PAG1: variants seen among roughly 807,000 people sequenced by gnomAD.
PAG1 encodes the protein phosphoprotein membrane anchor with glycosphingolipid microdomains 1.
In PAG1, 23 loss-of-function variants were observed where a neutral mutation model predicts 31.7. The observed-to-expected ratio is 0.73, with a 90% CI of 0.52 to 1.03. PAG1 has a LOEUF of 1.03. Ranked by LOEUF, PAG1 falls within the 50% of genes least tolerant of loss-of-function variation. The pLI is 0.00. For missense variants in PAG1, 473 were observed against 540.7 expected, an observed-to-expected ratio of 0.87 and a Z score of 1.24; for synonymous variants, 214 against 210.3, an observed-to-expected ratio of 1.02 and a Z score of -0.15.
intron 1 of PAG1, among the ~76,000 whole-genome samples, chr8:81,079,663 T>G (rs1809233345): frequency 6.6e-6 from 1 of 152,072 alleles, no homozygotes; most frequent in East Asian, 1.9e-4. Flanking sequence ...GGCCTTGAAT[T>G]GTAGAACTGA....
intron 8 of PAG1, among the ~76,000 whole-genome samples, chr8:80,977,145 T>C (rs569239091): frequency 6.6e-6 from 1 of 152,328 alleles, no homozygotes; most frequent in South Asian, 2.1e-4. Flanking sequence ...CCCAGTTCTC[T>C]TGGGTCTGCC....
intron 3 of PAG1, among the ~76,000 whole-genome samples, chr8:81,012,606 G>A (rs531637546): frequency 9.2e-5 from 14 of 152,220 alleles, no homozygotes; most frequent in African/African-American, 2.9e-4. Flanking sequence ...GCATCTTCCT[G>A]CATTCAAAGC....
chr8:81,103,154 GAAAAA>G (rs34583693), intron 1 of PAG1, among the ~76,000 whole-genome samples: 1 of 61,436 alleles, frequency 1.6e-5, no homozygotes, highest in Non-Finnish European at 4.8e-5. Flanking sequence ...CATTTTGTGG[GAAAAA>G]AAAAAAAAAA....
chr8:81,039,159 G>A (rs1048905150), intron 2 of PAG1, among the ~76,000 whole-genome samples: 3 of 152,158 alleles, frequency 2.0e-5, no homozygotes, highest in African/African-American at 7.2e-5. Context: ...GTGTGTGCAT[G>A]TGCCTATGTG....
intron 3 of PAG1, among the ~76,000 whole-genome samples, chr8:81,012,248 CAT>C (rs1807998352): frequency 6.6e-6 from 1 of 152,196 alleles, no homozygotes; most frequent in Admixed American, 6.5e-5. Context: ...ATCCTACTGA[CAT>C]ATGGAATGAC....
At chr8:81,012,223 A>G (rs556402441) in intron 3 of PAG1, among the ~76,000 whole-genome samples, 2 of 152,320 alleles carry the variant, frequency 1.3e-5, no homozygotes, top group African/African-American at 2.4e-5. Context: ...GTCAGCTGCA[A>G]TATCTTCAGG....
intron 2 of PAG1, 128 bp downstream of exon 2, chr8:81,069,984 T>G (rs1809068253): frequency 6.6e-6 from 1 of 152,258 alleles, no homozygotes; most frequent in African/African-American, 2.4e-5. Flanking sequence ...TTAGAAGCTG[T>G]GTGTCTGCAG....
At chr8:80,992,318 G>A (rs1221397593) in intron 4 of PAG1, among the ~76,000 whole-genome samples, 2 of 152,240 alleles carry the variant, frequency 1.3e-5, no homozygotes, top group Non-Finnish European at 2.9e-5. Context: ...AGATTTTAGG[G>A]TAGGAAGCTA....
chr8:81,033,446 G>C (rs1167314357), intron 2 of PAG1, among the ~76,000 whole-genome samples: 1 of 152,162 alleles, frequency 6.6e-6, no homozygotes, highest in Non-Finnish European at 1.5e-5. Flanking sequence ...GTTAATCACT[G>C]CAAATGATTA....
intron 3 of PAG1, among the ~76,000 whole-genome samples, chr8:81,019,875 G>A (rs977642711): frequency 6.6e-6 from 1 of 152,204 alleles, no homozygotes; most frequent in Non-Finnish European, 1.5e-5. Flanking sequence ...AAAAGTCACA[G>A]ACACTCAACA....
At position 80,975,784 on chromosome 8, in the gene PAG1, C is replaced by T. The variant is rs190325577; in HGVS notation, c.*760G>A. 13 of 152,276 alleles carry T rather than the reference C, an allele frequency of 8.5e-5. No homozygotes were observed. Among genetic ancestry groups the T allele is most frequent in the East Asian group, 1.9e-4 (1 of 5,184 alleles). 9.4% of individuals were successfully genotyped at this position (152,276 alleles called of 1,614,324 possible). A position where few individuals can be genotyped will look rare whatever the true frequency, so the allele number is the denominator to read the frequency against. On this transcript the variant is annotated 3_prime_UTR_variant, in exon 9 of 9. Coordinates refer to ENST00000220597, the MANE Select transcript of PAG1 (RefSeq NM_018440.4). Reference sequence around the variant, plus strand: ...GAGTTTTCAAACACTGGGGGAAACACGTTTTTGACTAGAAAAATAAAATAA... The same window carrying T: ...GAGTTTTCAAACACTGGGGGAAACATGTTTTTGACTAGAAAAATAAAATAA...
chr8:81,066,664 G>C (rs1483583560), intron 2 of PAG1, among the ~76,000 whole-genome samples: 3 of 152,140 alleles, frequency 2.0e-5, no homozygotes, highest in Non-Finnish European at 4.4e-5. Context: ...GCTTTCCATA[G>C]TCCTCAGAAT....
At position 80,970,114 on chromosome 8, in the gene PAG1, T is replaced by C. The variant is rs903077972; in HGVS notation, c.*6430A>G. On this transcript the variant is annotated 3_prime_UTR_variant, in exon 9 of 9. Transcript: ENST00000220597. ...ATTTACTTTAAAAAGGTTTTTTTTT[T>C]GTTTTTGTTTTTGAGATGGAGTCTT... is the stretch of plus-strand genomic sequence containing the variant. The C allele has an allele frequency of 6.6e-6, 1 of 152,228 alleles. No individual in the cohort carries two copies. Among genetic ancestry groups the C allele is most frequent in the Admixed American group, 6.5e-5 (1 of 15,270 alleles). The allele number at this position is 152,228 out of a possible 1,614,324, so 9.4% of individuals were successfully genotyped here.
At chr8:81,098,859 G>A (rs1809567150) in intron 1 of PAG1, among the ~76,000 whole-genome samples, 1 of 152,216 alleles carries the variant, frequency 6.6e-6, no homozygotes, top group Non-Finnish European at 1.5e-5. Flanking sequence ...TGGCAGAGAG[G>A]ATTGGAGGGT....
intron 1 of PAG1, among the ~76,000 whole-genome samples, chr8:81,089,522 C>G (rs976724947): frequency 2.6e-5 from 4 of 151,536 alleles, no homozygotes; most frequent in Non-Finnish European, 4.4e-5. Context: ...GAGCTGAGAT[C>G]GCACCACTGC....
In PAG1 at chr8:80,993,274, C is replaced by T. The variant is rs1384998619; in HGVS notation, c.-47G>A. 1 of 1,560,504 alleles carries T rather than the reference C, an allele frequency of 6.4e-7. No individual in the cohort carries two copies. The highest frequency in any genetic ancestry group is 8.7e-7 in the Non-Finnish European group (1 of 1,154,528). ...CAGCCGAGGGAATCAGTCAGTCCTT[C>T]AAAGGTGGTGACATGGAGGCAGAGA... On this transcript the variant is annotated 5_prime_UTR_variant, in exon 4 of 9. Coordinates refer to ENST00000220597, the MANE Select transcript of PAG1 (RefSeq NM_018440.4).
intron 6 of PAG1, among the ~76,000 whole-genome samples, chr8:80,986,366 G>C (rs1807421845): frequency 6.6e-6 from 1 of 152,112 alleles, no homozygotes; most frequent in Non-Finnish European, 1.5e-5. Flanking sequence ...TTACCCCACA[G>C]TTTCCTCATC....
chr8:81,012,405 T>C (rs1316897210), intron 3 of PAG1, among the ~76,000 whole-genome samples: 2 of 152,234 alleles, frequency 1.3e-5, no homozygotes, highest in African/African-American at 4.8e-5. Flanking sequence ...GTATTTCAGA[T>C]TGCCATTCAG....
rs949193949 is a variant in PAG1, at chr8:80,975,543, T to C, written c.*1001A>G. ...TTACCTTAGGGTAGCAGTTAACTTA[T>C]GAGATGCCACACTGTTGGTGTGGGC... On this transcript the variant is annotated 3_prime_UTR_variant, in exon 9 of 9. Coordinates refer to ENST00000220597, the MANE Select transcript of PAG1 (RefSeq NM_018440.4). 1.3e-5 allele frequency: 2 copies of C among 152,226 alleles called. No homozygotes were observed. The highest frequency in any genetic ancestry group is 2.9e-5 in the Non-Finnish European group (2 of 68,036). 9.4% of individuals were successfully genotyped at this position (152,226 alleles called of 1,614,324 possible).
Sources: gnomAD v4.1 joint callset for allele counts (sites outside exome capture counted in the v4.1 genomes callset) on GRCh38, gnomAD v4.1.1 for gene constraint, MANE v1.5 for transcripts, NCBI Gene and HGNC (gene_info 2026-07-23, HGNC 2026-07-21) for gene names.